Variants in TAS2R1 observed in about 807,000 individuals in gnomAD.
The protein encoded by TAS2R1 is taste receptor type 2 member 1.
For missense variants in TAS2R1, 370 were observed against 353.4 expected (o/e 1.05, Z -0.38); for synonymous variants, 141 against 134.2 (o/e 1.05, Z -0.35).
At chr5:9,820,215 T>C in the TAS2R1 span, among the ~76,000 whole-genome samples, 23 of 152,094 alleles carry the variant, frequency 1.5e-4, no homozygotes, top group Non-Finnish European at 2.6e-4. Context: ...AGGAAGTCAC[T>C]AGAAAGAAAG....
chr5:9,693,310 A>T (rs1044174430), intron 1 of TAS2R1, among the ~76,000 whole-genome samples: 3 of 152,150 alleles, frequency 2.0e-5, no homozygotes, highest in Admixed American at 6.6e-5. Context: ...GGAGTTCAGG[A>T]CCAGCCTGAC....
At chr5:9,870,517 T>C in the TAS2R1 span, among the ~76,000 whole-genome samples, 24 of 152,162 alleles carry the variant, frequency 1.6e-4, no homozygotes, top group African/African-American at 5.8e-4. Context: ...ATTTAATAGG[T>C]TCATCCAATA....
chr5:9,746,630 G>A, the TAS2R1 span, among the ~76,000 whole-genome samples: 2 of 152,190 alleles, frequency 1.3e-5, no homozygotes, highest in Non-Finnish European at 2.9e-5. Flanking sequence ...CATAGATGAA[G>A]CTGGAAGTCA....
Position 9,629,739 on chromosome 5 carries a change from C to T in TAS2R1, c.174G>A (p.Trp58Ter), listed in dbSNP as rs1290473589. ...CCTTGGCACAATAGAAAACGCCGAGCCATGTGGCAAGCCAAAGTTCCAATT... is the reference window on the plus strand; with the variant it reads ...CCTTGGCACAATAGAAAACGCCGAGTCATGTGGCAAGCCAAAGTTCCAATT... The change falls in exon 3 of 3, where the codon TGG (tryptophan) becomes TGA (stop). Residue 58 changes from tryptophan (W) to a stop codon, truncating the protein, a stop_gained. Transcript: ENST00000506620. LOFTEE classifies it high-confidence loss of function. 3.7e-6 allele frequency: 6 copies of T among 1,613,904 alleles called. No individual in the cohort carries two copies. The highest frequency in any genetic ancestry group is 5.1e-6 in the Non-Finnish European group (6 of 1,179,924).
At chr5:9,858,212 G>A in the TAS2R1 span, among the ~76,000 whole-genome samples, 1 of 152,148 alleles carries the variant, frequency 6.6e-6, no homozygotes, top group East Asian at 1.9e-4. Flanking sequence ...CCGGACTGGA[G>A]CCTGGGGCTG....
chr5:9,899,591 C>T, the TAS2R1 span, among the ~76,000 whole-genome samples: 2 of 150,102 alleles, frequency 1.3e-5, no homozygotes, highest in African/African-American at 2.5e-5. Context: ...AAGCCCAGAT[C>T]GCGCCACTGC....
the TAS2R1 span, among the ~76,000 whole-genome samples, chr5:9,795,014 G>C: frequency 6.6e-6 from 1 of 152,188 alleles, no homozygotes; most frequent in African/African-American, 2.4e-5. Context: ...ATGGTGATCA[G>C]ATCAGGGTAA....
chr5:9,755,587 CAAAAAAAAAAA>C, the TAS2R1 span, among the ~76,000 whole-genome samples: 2 of 94,868 alleles, frequency 2.1e-5, no homozygotes, highest in African/African-American at 8.7e-5. Context: ...ACTCCATCTC[CAAAAAAAAAAA>C]AAAAAAAGAA....
At chr5:9,845,621 C>G in the TAS2R1 span, among the ~76,000 whole-genome samples, 1 of 151,940 alleles carries the variant, frequency 6.6e-6, no homozygotes, top group East Asian at 1.9e-4. Context: ...ATATGACAGA[C>G]AAGCTAGATA....
At chr5:9,762,951 C>T in the TAS2R1 span, among the ~76,000 whole-genome samples, 1 of 152,124 alleles carries the variant, frequency 6.6e-6, no homozygotes, top group Non-Finnish European at 1.5e-5. Flanking sequence ...CCATAGGATT[C>T]TTTTCTACAA....
chr5:9,702,613 T>C (rs1741513933), intron 1 of TAS2R1, among the ~76,000 whole-genome samples: 1 of 152,248 alleles, frequency 6.6e-6, no homozygotes, highest in Admixed American at 6.5e-5. Flanking sequence ...AAATAGTTAC[T>C]GTTTCAAGCA....
At chr5:9,786,635 C>T in the TAS2R1 span, among the ~76,000 whole-genome samples, 4 of 152,106 alleles carry the variant, frequency 2.6e-5, no homozygotes, top group East Asian at 1.9e-4. Context: ...AGCTGAGCAT[C>T]GAGATTCCAT....
At chr5:9,827,767 A>C in the TAS2R1 span, among the ~76,000 whole-genome samples, 1 of 152,326 alleles carries the variant, frequency 6.6e-6, no homozygotes, top group Admixed American at 6.5e-5. Flanking sequence ...TGGGTGACAG[A>C]GACAGAAGGA....
chr5:9,718,128 T>C, the TAS2R1 span, among the ~76,000 whole-genome samples: 24 of 151,022 alleles, frequency 1.6e-4, no homozygotes, highest in African/African-American at 5.6e-4. Context: ...CCCAGCAATT[T>C]TTTTTTTTTT....
At chr5:9,775,209 C>T in the TAS2R1 span, among the ~76,000 whole-genome samples, 10 of 152,334 alleles carry the variant, frequency 6.6e-5, no homozygotes, top group South Asian at 2.1e-4. Context: ...CTGTGTCCAC[C>T]GCCATCCCAG....
chr5:9,637,254 C>T lies in TAS2R1; in HGVS notation c.-80-7262G>A, dbSNP rs182215737. 1.3e-3 allele frequency among the ~76,000 whole-genome samples: 203 copies of T among 152,274 alleles called. 1 individual carries two copies. The highest frequency in any genetic ancestry group is 4.6e-3 in the African/African-American group (191 of 41,558). The stretch of plus-strand genomic sequence containing the variant: ...TTGTTTCAGGAGGCTAAAAATGGAA[C>T]CCCAAGCCTTTCTGGCTTGTAAGGT... On this transcript the variant is annotated intron_variant, in intron 2 of 2. Transcript: ENST00000506620.
chr5:9,745,541 AAC>A, the TAS2R1 span, among the ~76,000 whole-genome samples: 1 of 152,180 alleles, frequency 6.6e-6, no homozygotes, highest in African/African-American at 2.4e-5. Context: ...CAGTAACCAA[AAC>A]AGCATGGTAC....
At chr5:9,642,904 C>T (rs1029786969) in intron 2 of TAS2R1, among the ~76,000 whole-genome samples, 3 of 152,118 alleles carry the variant, frequency 2.0e-5, no homozygotes, top group Non-Finnish European at 2.9e-5. Flanking sequence ...AACTGAGTTC[C>T]TCCGTGGAAT....
the TAS2R1 span, among the ~76,000 whole-genome samples, chr5:9,740,354 A>T: frequency 1.3e-5 from 2 of 152,216 alleles, no homozygotes; most frequent in Non-Finnish European, 1.5e-5. Context: ...TAAGTGGTAC[A>T]GTAAAGAATG....
Sources: allele counts gnomAD v4.1 joint callset (sites outside exome capture counted in the v4.1 genomes callset), GRCh38; gene constraint gnomAD v4.1.1; transcripts MANE v1.5; gene names NCBI Gene and HGNC (gene_info 2026-07-23, HGNC 2026-07-21).